Variants in KLK13 observed in about 807,000 individuals in gnomAD.
KLK13 encodes the protein kallikrein related peptidase 13.
Under a neutral mutation model 22.4 loss-of-function variants are expected in KLK13, and 19 were observed. That is an observed-to-expected ratio of 0.85 (90% confidence interval 0.59 to 1.24). The LOEUF (loss-of-function observed/expected upper bound fraction) is 1.24. KLK13 is among the 50% of genes most tolerant of loss of function. The pLI is 0.00. For synonymous variants in KLK13, 156 were observed against 141.8 expected, an observed-to-expected ratio of 1.10 and a Z score of -0.71; for missense variants, 311 against 347.9, an observed-to-expected ratio of 0.89 and a Z score of 0.84.
rs151317733 is a variant in KLK13, at chr19:51,059,917, T to G, written c.416A>C (p.Tyr139Ser). The G allele has an allele frequency of 3.9e-5, 62 of 1,609,478 alleles. 1 individual carries two copies. Among genetic ancestry groups the G allele is most frequent in the Middle Eastern group, 3.3e-4 (2 of 6,032 alleles). ...GTGGGAAAGGGGCAGGGTTTGGATG[T>G]AGCCTGTGAGCTGGACCGGGGACTG... ...ELQSPVQLTG[Y>S]IQTLPLSHNN... The change falls in exon 3 of 5, where the codon TAC (tyrosine) becomes TCC (serine). Residue 139 changes from tyrosine (Y) to serine (S), a missense_variant. Physicochemically the swap from Tyr to Ser is moderately radical, Grantham distance 144. Transcript: ENST00000595793.
chr19:51,059,719 A>G (rs1169410462), intron 3 of KLK13, 106 bp downstream of exon 3: 2 of 724,858 alleles, frequency 2.8e-6, no homozygotes, highest in East Asian at 6.8e-5. Flanking sequence ...TTACTTATTT[A>G]TATTTTTATA....
chr19:51,055,757 A>G lies in KLK13; in HGVS notation c.*830T>C, dbSNP rs548503688. On this transcript the variant is annotated 3_prime_UTR_variant, in exon 5 of 5. Coordinates refer to ENST00000595793, the MANE Select transcript of KLK13 (RefSeq NM_015596.3). ...TGTCCAAAGCAAGGATTTGCACTAC[A>G]TTTTAGGGTCATGCACAAAGATGTA... 6.6e-6 allele frequency among the ~76,000 whole-genome samples: 1 copy of G among 152,312 alleles called. No homozygotes were observed. The highest frequency in any genetic ancestry group is 1.9e-4 in the East Asian group (1 of 5,188).
chr19:51,060,017 A>T lies in KLK13; in HGVS notation c.316T>A (p.Ser106Thr). 3 of 1,613,790 alleles carry T rather than the reference A, an allele frequency of 1.9e-6. No individual in the cohort carries two copies. Among genetic ancestry groups the T allele is most frequent in the South Asian group, 2.2e-5 (2 of 91,080 alleles). Residue 106 changes from serine (S) to threonine (T), a missense_variant, in exon 3 of 5, where the codon TCT (serine) becomes ACT (threonine). By Grantham distance (58) the Ser-to-Thr change is moderately conservative. Coordinates refer to ENST00000595793, the MANE Select transcript of KLK13 (RefSeq NM_015596.3). ...CTCCGGTATTCAGGGTGGGGGATAG[A>T]GTGGACAACTTCCCTCACCTGCTCA... ...AGEQVREVVH[S>T]IPHPEYRRSP...
At chr19:51,064,484 T>A in intron 1 of KLK13, 1 of 237,970 alleles carries the variant, frequency 4.2e-6, no homozygotes, top group African/African-American at 5.6e-5. Flanking sequence ...CAAGGTTCCA[T>A]CTCAAAAAAA....
chr19:51,058,657 G>C lies in KLK13; in HGVS notation c.526C>G (p.Leu176Val), dbSNP rs369460627. The C allele has an allele frequency of 1.2e-6, 2 of 1,614,066 alleles. No homozygotes were observed. The highest frequency in any genetic ancestry group is 1.1e-5 in the South Asian group (1 of 91,088). ...TSPQVNYPKTLQCANIQLRSD... is the reference protein window; with the variant it reads ...TSPQVNYPKTVQCANIQLRSD... ...CGAAGTTGGATGTTGGCACATTGTA[G>C]AGTTTTGGGGTAATTCACTGGGGAG... Residue 176 changes from leucine to valine, a missense_variant, in exon 4 of 5, where the codon CTA becomes GTA. Transcript: ENST00000595793.
chr19:51,058,904 CAAGGAGGGAAGGGA>C (rs1373694639), intron 3 of KLK13, among the ~76,000 whole-genome samples: 1 of 150,964 alleles, frequency 6.6e-6, no homozygotes, highest in Non-Finnish European at 1.5e-5. Context: ...GAGGGAAGGA[CAAGGAGGGAAGGGA>C]CAAGAGAATG....
At position 51,060,416 on chromosome 19, in the gene KLK13, C is replaced by A; in HGVS notation, c.239+17G>T. The A allele has an allele frequency of 6.4e-7, 1 of 1,555,180 alleles. No individual in the cohort carries two copies. On this transcript the variant is annotated intron_variant, in intron 2 of 4. Transcript: ENST00000595793. ...CCATTCTCATCCCTACCCCATGCTC[C>A]CCCGGCCCCCACATACTCCTTTAGA...
intron 4 of KLK13, among the ~76,000 whole-genome samples, chr19:51,057,042 CAG>C (rs2091682256): frequency 6.6e-6 from 1 of 152,190 alleles, no homozygotes; most frequent in South Asian, 2.1e-4. Flanking sequence ...AAGAGAGACA[CAG>C]AGAAATTTCT....
chr19:51,055,670 TA>T lies in KLK13; in HGVS notation c.*916del, dbSNP rs573228567. On this transcript the variant is annotated 3_prime_UTR_variant, in exon 5 of 5. Coordinates refer to ENST00000595793, the MANE Select transcript of KLK13 (RefSeq NM_015596.3). ...TTTATTCTTGTAATAATGTTACAAT[TA>T]AAAAAAATTATGAACCCATTTTACA... Among the ~76,000 whole-genome samples the T allele has an allele frequency of 5.3e-3, 812 of 152,150 alleles. No homozygotes were observed. The highest frequency in any genetic ancestry group is 9.2e-3 in the Non-Finnish European group (627 of 68,002).
chr19:51,060,256 C>T (rs1232044726), intron 2 of KLK13, among the ~76,000 whole-genome samples, 163 bp from the exon 3 acceptor site: 1 of 152,000 alleles, frequency 6.6e-6, no homozygotes, highest in Admixed American at 6.5e-5. Context: ...CATCCAAATC[C>T]CCTACTTTGA....
intron 2 of KLK13, 66 bp from the exon 3 acceptor site, chr19:51,060,159 C>T (rs2091714047): frequency 3.8e-6 from 6 of 1,575,566 alleles, no homozygotes; most frequent in Middle Eastern, 3.4e-4. Flanking sequence ...ATCCCAGCCC[C>T]AACCTCTTCC....
At position 51,056,511 on chromosome 19, in the gene KLK13, A is replaced by C; in HGVS notation, c.*76T>G. The C allele has an allele frequency of 1.5e-6, 2 of 1,378,178 alleles. No homozygotes were observed. Among genetic ancestry groups the C allele is most frequent in the Non-Finnish European group, 2.0e-6 (2 of 981,382 alleles). 85.4% of individuals were successfully genotyped at this position (1,378,178 alleles called of 1,614,324 possible). On this transcript the variant is annotated 3_prime_UTR_variant, in exon 5 of 5. Transcript: ENST00000595793. ...TGGTTCAAATGGAACACTGGGAATA[A>C]GGAGCAGAGAAGGGCTAAGCAGACC... is the stretch of plus-strand genomic sequence containing the variant.
intron 1 of KLK13, among the ~76,000 whole-genome samples, chr19:51,062,612 G>T (rs1027538641): frequency 2.6e-5 from 4 of 152,140 alleles, no homozygotes; most frequent in Non-Finnish European, 4.4e-5. Context: ...CACAGCAGGG[G>T]TCCGTGGGAC....
At chr19:51,065,620 G>A (rs992231637), upstream of KLK13, among the ~76,000 whole-genome samples, 1 of 123,906 alleles carries the variant, frequency 8.1e-6, no homozygotes, top group Non-Finnish European at 1.8e-5. Flanking sequence ...CCCCGCCCCC[G>A]CCCCAGGCAG....
chr19:51,065,106 C>A, upstream of KLK13: 1 of 1,401,522 alleles, frequency 7.1e-7, no homozygotes, highest in Admixed American at 2.2e-5. Context: ...GCGGGCGGGG[C>A]CTGAGGAGAA....
In KLK13 at chr19:51,064,713, AGCGTCAGGAC is replaced by A. The variant is rs2091763850; in HGVS notation, c.52+293_52+302del. On this transcript the variant is annotated intron_variant, in intron 1 of 4. Transcript: ENST00000595793. ...TGCTAGGCTACTGGCTCAAAGCGGCAGCGTCAGGACGCGAACCCATGTCTTTCAGCTTTCC... is the reference window on the plus strand; with the variant it reads ...TGCTAGGCTACTGGCTCAAAGCGGCAGCGAACCCATGTCTTTCAGCTTTCC... The A allele has an allele frequency of 6.4e-6, 4 of 626,094 alleles. 1 individual carries two copies. The highest frequency in any genetic ancestry group is 5.0e-4 in the Middle Eastern group (2 of 3,994). The allele number at this position is 626,094 out of a possible 1,614,324, so 38.8% of individuals were successfully genotyped here. A position where few individuals can be genotyped will look rare whatever the true frequency, so the allele number is the denominator to read the frequency against.
In KLK13 at chr19:51,058,741, G is replaced by A. The variant is rs535294262; in HGVS notation, c.509-67C>T. On this transcript the variant is annotated intron_variant, in intron 3 of 4. Coordinates refer to ENST00000595793, the MANE Select transcript of KLK13 (RefSeq NM_015596.3). ...TAGGATATGGGATGAAGGTGAAATA[G>A]GCGAGTTGAATGGGTAAAGAGTAGA... 1.8e-5 allele frequency: 28 copies of A among 1,520,374 alleles called. No individual in the cohort carries two copies. In the African/African-American group the frequency reaches 2.6e-4, roughly 14 times the overall value. 94.2% of individuals were successfully genotyped at this position (1,520,374 alleles called of 1,614,324 possible).
At chr19:51,060,200 C>A (rs1185785011) in intron 2 of KLK13, 107 bp from the exon 3 acceptor site, 29 of 1,360,174 alleles carry the variant, frequency 2.1e-5, no homozygotes, top group Non-Finnish European at 2.8e-5. Flanking sequence ...CTCCATCCTA[C>A]CTTCCTCATC....
At chr19:51,063,781 TCAAGCCCTTTGGGA>T (rs1568591893) in intron 1 of KLK13, 1 of 460,264 alleles carries the variant, frequency 2.2e-6, no homozygotes, top group Admixed American at 2.3e-5. Flanking sequence ...GGCTCAAGGG[TCAAGCCCTTTGGGA>T]AGGCCTCTGG....
Sources: gnomAD v4.1 joint callset for allele counts (sites outside exome capture counted in the v4.1 genomes callset) on GRCh38, gnomAD v4.1.1 for gene constraint, MANE v1.5 for transcripts, NCBI Gene and HGNC (gene_info 2026-07-23, HGNC 2026-07-21) for gene names.